Variants in PARD3B observed in about 807,000 individuals in gnomAD.
PARD3B encodes par-3 family cell polarity regulator beta, also known as partitioning defective 3 homolog B.
A neutral mutation model predicts 130.2 loss-of-function variants in PARD3B; 103 were observed. The observed-to-expected ratio is 0.79, with a 90% CI of 0.67 to 0.93. The LOEUF is 0.93. PARD3B is among the 40% of genes least tolerant of loss of function. The probability of loss-of-function intolerance (pLI) is 0.00; values close to 1 mark genes in which losing one functional copy is unlikely to be tolerated. For missense variants in PARD3B, 1,609 were observed against 1,499.2 expected, an observed-to-expected ratio of 1.07 and a Z score of -1.21; for synonymous variants, 583 against 553.2, an observed-to-expected ratio of 1.05 and a Z score of -0.76.
At chr2:205,029,623 G>A (rs183679959) in intron 3 of PARD3B, among the ~76,000 whole-genome samples, 18 of 152,282 alleles carry the variant, frequency 1.2e-4, no homozygotes, top group African/African-American at 3.6e-4. Flanking sequence ...GCTTTCCAGT[G>A]ACTGCTTGGA....
intron 2 of PARD3B, among the ~76,000 whole-genome samples, chr2:204,714,620 A>T (rs1304510194): frequency 1.3e-5 from 2 of 152,228 alleles, no homozygotes; most frequent in Non-Finnish European, 2.9e-5. Flanking sequence ...ATTATTTCCA[A>T]AGAGGAAAAC....
chr2:205,216,041 G>A (rs180795775), intron 15 of PARD3B, among the ~76,000 whole-genome samples: 1 of 152,086 alleles, frequency 6.6e-6, no homozygotes, highest in African/African-American at 2.4e-5. Context: ...AATCATGTAC[G>A]ATGTAGTAAC....
intron 14 of PARD3B, among the ~76,000 whole-genome samples, chr2:205,192,127 A>C (rs767476988): frequency 6.6e-5 from 10 of 152,224 alleles, no homozygotes; most frequent in African/African-American, 2.4e-4. Context: ...GCTTGAAAGC[A>C]GTATTGAATA....
intron 2 of PARD3B, among the ~76,000 whole-genome samples, chr2:204,918,956 C>T (rs575846946): frequency 3.5e-4 from 53 of 151,858 alleles, no homozygotes; most frequent in Non-Finnish European, 6.8e-4. Flanking sequence ...AAAACTAACA[C>T]TCAATACATC....
At chr2:205,137,276 T>C (rs1237224556) in intron 10 of PARD3B, among the ~76,000 whole-genome samples, 3 of 152,010 alleles carry the variant, frequency 2.0e-5, no homozygotes, top group African/African-American at 4.8e-5. Context: ...AGGCCCTAGA[T>C]AGATTCGAAG....
In PARD3B at chr2:205,436,100, C is replaced by A. The variant is rs76878141; in HGVS notation, c.2742-4270C>A. On this transcript the variant is annotated intron_variant, in intron 19 of 22. Transcript: ENST00000406610. Reference sequence around the variant, plus strand: ...TTCCTCATTTGGCAGAAGAACAGAACAATGGAATAGCAAAGAGGGACCTTA... The same window carrying A: ...TTCCTCATTTGGCAGAAGAACAGAAAAATGGAATAGCAAAGAGGGACCTTA... Among the ~76,000 whole-genome samples, 750 of 152,304 alleles carry A rather than the reference C, an allele frequency of 4.9e-3. 6 individuals are homozygous for A. Among genetic ancestry groups the A allele is most frequent in the African/African-American group, 0.017 (698 of 41,568 alleles).
chr2:205,312,111 A>G (rs533108103), intron 18 of PARD3B, among the ~76,000 whole-genome samples: 74 of 152,340 alleles, frequency 4.9e-4, no homozygotes, highest in African/African-American at 1.8e-3. Flanking sequence ...ATCCCATAAC[A>G]GCTGTTACAG....
intron 1 of PARD3B, among the ~76,000 whole-genome samples, chr2:204,645,339 G>C (rs1328550522): frequency 6.6e-6 from 1 of 152,110 alleles, no homozygotes. Context: ...GTTCTGTGCA[G>C]AATTTAGGCA....
intron 2 of PARD3B, among the ~76,000 whole-genome samples, chr2:204,773,090 T>A (rs1189635005): frequency 6.6e-6 from 1 of 152,060 alleles, no homozygotes; most frequent in East Asian, 1.9e-4. Flanking sequence ...AATAATATAT[T>A]TAACAATAAT....
At chr2:204,609,485 A>G (rs541324119) in intron 1 of PARD3B, among the ~76,000 whole-genome samples, 2 of 152,318 alleles carry the variant, frequency 1.3e-5, no homozygotes, top group South Asian at 4.1e-4. Flanking sequence ...AAAATAATAA[A>G]TTAATATATG....
rs1430502637 is a variant in PARD3B, at chr2:205,619,763, C to T, written c.*3950C>T. ...TCATGTCCTTAAATAGTCACAGAAT[C>T]ACACACAGCCTGACTTTTAAAGACA... is the stretch of plus-strand genomic sequence containing the variant. On this transcript the variant is annotated 3_prime_UTR_variant, in exon 23 of 23. Transcript: ENST00000406610. 5 of 152,202 alleles carry T rather than the reference C, an allele frequency of 3.3e-5. No individual in the cohort carries two copies. The highest frequency in any genetic ancestry group is 2.6e-4 in the Admixed American group (4 of 15,276). The allele number at this position is 152,202 out of a possible 1,614,324, so 9.4% of individuals were successfully genotyped here.
intron 21 of PARD3B, among the ~76,000 whole-genome samples, chr2:205,507,157 C>G (rs1335984802): frequency 7.2e-6 from 1 of 138,038 alleles, no homozygotes; most frequent in Non-Finnish European, 1.5e-5. Flanking sequence ...GATCACGTGT[C>G]CACTTCTGAA....
intron 2 of PARD3B, among the ~76,000 whole-genome samples, chr2:204,792,255 G>A (rs2042226788): frequency 6.6e-6 from 1 of 152,072 alleles, no homozygotes. Context: ...AACTTTATGG[G>A]TAAAAGCACA....
At chr2:204,566,615 T>G (rs1449458217) in intron 1 of PARD3B, among the ~76,000 whole-genome samples, 1 of 152,232 alleles carries the variant, frequency 6.6e-6, no homozygotes, top group Non-Finnish European at 1.5e-5. Context: ...TTCAAAATGA[T>G]GTTGCAACTG....
At chr2:205,391,049 T>G (rs1328278944) in intron 18 of PARD3B, among the ~76,000 whole-genome samples, 1 of 152,316 alleles carries the variant, frequency 6.6e-6, no homozygotes, top group Middle Eastern at 3.4e-3. Context: ...CATTTCCTTC[T>G]GCAGGATGAA....
intron 22 of PARD3B, among the ~76,000 whole-genome samples, chr2:205,557,087 A>G (rs12694026): frequency 0.6 from 91,555 of 151,834 alleles, 27,961 homozygotes; most frequent in Middle Eastern, 0.76. Flanking sequence ...GGCGCATGAT[A>G]TTGCTCTTCC....
At chr2:204,833,680 C>A (rs866728456) in intron 2 of PARD3B, among the ~76,000 whole-genome samples, 6 of 152,102 alleles carry the variant, frequency 3.9e-5, no homozygotes, top group African/African-American at 1.4e-4. Context: ...CGTCTGCCAG[C>A]ATGTAAGACA....
intron 2 of PARD3B, among the ~76,000 whole-genome samples, chr2:204,873,280 A>T (rs2045703598): frequency 6.6e-6 from 1 of 152,146 alleles, no homozygotes; most frequent in African/African-American, 2.4e-5. Flanking sequence ...CCTAAAGAGG[A>T]CGTGAATGCC....
At chr2:204,744,505 T>A (rs949284990) in intron 2 of PARD3B, among the ~76,000 whole-genome samples, 1 of 152,156 alleles carries the variant, frequency 6.6e-6, no homozygotes, top group African/African-American at 2.4e-5. Context: ...CTGTGTGGAA[T>A]GAGAAACTGG....
Sources: gnomAD v4.1 joint callset for allele counts (sites outside exome capture counted in the v4.1 genomes callset) on GRCh38, gnomAD v4.1.1 for gene constraint, MANE v1.5 for transcripts, NCBI Gene and HGNC (gene_info 2026-07-23, HGNC 2026-07-21) for gene names.